Variants in SPEG observed in about 807,000 individuals in gnomAD.
SPEG encodes the protein striated muscle preferentially expressed protein kinase.
SPEG carries 114 observed loss-of-function variants against 300.4 expected under a neutral mutation model. The observed-to-expected ratio is 0.38, with a 90% CI of 0.33 to 0.44. The LOEUF (loss-of-function observed/expected upper bound fraction) is 0.44. Among genes scored for constraint, SPEG ranks in the 20% least tolerant of loss-of-function variants. The pLI is 1.00. For missense variants in SPEG, 4,201 were observed against 4,586.2 expected (o/e 0.92, Z 2.43); for synonymous variants, 1,964 against 2,018.9 (o/e 0.97, Z 0.73).
rs13419255 is a variant in SPEG, at chr2:219,468,427, C to T, written c.3143-151C>T. 3,195 of 825,042 alleles carry T rather than the reference C, an allele frequency of 3.9e-3. 74 individuals are homozygous for T. The African/African-American group carries it at 0.047, about 12-fold the overall frequency. 51.1% of individuals were successfully genotyped at this position (825,042 alleles called of 1,614,324 possible). On this transcript the variant is annotated intron_variant, in intron 10 of 40. Transcript: ENST00000312358. Reference sequence around the variant, plus strand: ...CCCTCTCGAGGTCTAGTCTCTGGATCTGTGCCCACTTCCTCCCCTGAGTAC... The same window carrying T: ...CCCTCTCGAGGTCTAGTCTCTGGATTTGTGCCCACTTCCTCCCCTGAGTAC...
In SPEG at chr2:219,488,480, G is replaced by A; in HGVS notation, c.7859-18G>A. ...GCTGCCTCACTCAGCAGCAACTCCT[G>A]CTCCTCCCTGTCCCCAGACAAGAAG... On this transcript the variant is annotated intron_variant, in intron 32 of 40. Coordinates refer to ENST00000312358, the MANE Select transcript of SPEG (RefSeq NM_005876.5). 6.4e-7 allele frequency: 1 copy of A among 1,552,850 alleles called. No homozygotes were observed. Among genetic ancestry groups the A allele is most frequent in the South Asian group, 1.2e-5 (1 of 81,562 alleles).
Position 219,479,056 on chromosome 2 carries a change from A to T in SPEG, c.5028-88A>T. On this transcript the variant is annotated intron_variant, in intron 22 of 40. Transcript: ENST00000312358. This position sits in a 1 kb window ranked among gnomAD's most constrained non-coding sequence, Gnocchi z 5.5. ...CAAGCATTCTGTAAGGGGAAGGAGA[A>T]CCCCGTGCTGAGCTGGGACCTGCCC... The T allele has an allele frequency of 8.6e-7, 1 of 1,167,950 alleles. No homozygotes were observed. The highest frequency in any genetic ancestry group is 1.3e-6 in the Non-Finnish European group (1 of 788,996). The allele number at this position is 1,167,950 out of a possible 1,614,324, so 72.3% of individuals were successfully genotyped here.
chr2:219,461,933 T>G lies in SPEG; in HGVS notation c.2492T>G (p.Leu831Arg). The G allele has an allele frequency of 6.2e-7, 1 of 1,613,900 alleles. No homozygotes were observed. The highest frequency in any genetic ancestry group is 8.5e-7 in the Non-Finnish European group (1 of 1,179,922). Residue 831 changes from leucine to arginine, a missense_variant, in exon 7 of 41, where the codon CTG (leucine) becomes CGG (arginine). Leu to Arg is a moderately radical substitution (Grantham distance 102, BLOSUM62 -2). Transcript: ENST00000312358. ...SSPITSDEEY[L>R]SPPEEFPEPG... is the part of the protein sequence containing the mutation. ...CCCATCACCTCCGACGAGGAATACC[T>G]GAGCCCCCCAGAGGAGTTCCCAGAG...
chr2:219,472,201 G>T (rs1218856340), intron 14 of SPEG, 26 bp from the exon 15 acceptor site: 1 of 1,608,154 alleles, frequency 6.2e-7, no homozygotes, highest in Admixed American at 1.7e-5. Flanking sequence ...CTTGGACCCA[G>T]CAGACATTCG....
chr2:219,482,927 C>A, intron 29 of SPEG, 75 bp downstream of exon 29: 2 of 1,465,256 alleles, frequency 1.4e-6, no homozygotes, highest in Non-Finnish European at 1.9e-6. Flanking sequence ...CTCCCGTGGG[C>A]CTTCATCTCC....
At position 219,451,942 on chromosome 2, in the gene SPEG, C is replaced by A; in HGVS notation, c.2440+135C>A. 1.1e-6 allele frequency: 1 copy of A among 924,196 alleles called. No individual in the cohort carries two copies. The highest frequency in any genetic ancestry group is 1.5e-6 in the Non-Finnish European group (1 of 648,860). The allele number at this position is 924,196 out of a possible 1,614,324, so 57.2% of individuals were successfully genotyped here. On this transcript the variant is annotated intron_variant, in intron 6 of 40. Transcript: ENST00000312358. The surrounding 1 kb of genome is among the most constrained non-coding windows in gnomAD (Gnocchi z 6.4). The stretch of plus-strand genomic sequence containing the variant: ...CGCCAGCATACTTAGTCCATGCAGT[C>A]CCTTCTGGGTGTCGGCAGCTTTGGT...
rs1193831778 is a variant in SPEG, at chr2:219,448,989, G to T, written c.1831G>T (p.Val611Leu). Residue 611 changes from valine (V) to leucine (L), a missense_variant, in exon 4 of 41, where the codon GTG becomes TTG. This residue lies in a region of SPEG where 1,258 missense variants were observed against 1,293.9 expected (regional missense o/e 0.97). Transcript: ENST00000312358. ...SRAIQECRSP[V>L]PPPAADPPEA... ...AGCCATCCAGGAGTGCAGGAGCCCTGTGCCGCCCCCCGCCGCCGATCCCCC... is the reference window on the plus strand; with the variant it reads ...AGCCATCCAGGAGTGCAGGAGCCCTTTGCCGCCCCCCGCCGCCGATCCCCC... 1.3e-6 allele frequency: 2 copies of T among 1,494,972 alleles called. No individual in the cohort carries two copies. Among genetic ancestry groups the T allele is most frequent in the South Asian group, 1.3e-5 (1 of 77,092 alleles). 92.6% of individuals were successfully genotyped at this position (1,494,972 alleles called of 1,614,324 possible). A position where few individuals can be genotyped will look rare whatever the true frequency, so the allele number is the denominator to read the frequency against.
Position 219,489,458 on chromosome 2 carries a change from C to G in SPEG, c.8440C>G (p.Pro2814Ala). Residue 2814 changes from proline to alanine, a missense_variant, in exon 36 of 41, where the codon CCC becomes GCC. By Grantham distance (27) the Pro-to-Ala change is conservative. Around this residue, in one of 4 missense-constraint regions of SPEG, gnomAD observed 1,578 missense variants for 1,506.0 expected, o/e 1.05. Transcript: ENST00000312358. ...ACCCCTAGCTCCTGCTGCCCCCACACCCCCGTCAGTCACTGTCAGCCCCTC... is the reference window on the plus strand; with the variant it reads ...ACCCCTAGCTCCTGCTGCCCCCACAGCCCCGTCAGTCACTGTCAGCCCCTC... ...APPLAPAAPT[P>A]PSVTVSPSSP... 3 of 1,611,140 alleles carry G rather than the reference C, an allele frequency of 1.9e-6. No homozygotes were observed. The highest frequency in any genetic ancestry group is 2.5e-6 in the Non-Finnish European group (3 of 1,178,588).
Position 219,445,595 on chromosome 2 carries a change from TGGGA to T in SPEG, c.815+437_815+440del. On this transcript the variant is annotated intron_variant, in intron 3 of 40. Coordinates refer to ENST00000312358, the MANE Select transcript of SPEG (RefSeq NM_005876.5). The surrounding 1 kb of genome is among the most constrained non-coding windows in gnomAD (Gnocchi z 6.1). ...TCCTGTTCCCATGTGGGCCTTTTTC[TGGGA>T]GGAACAGAACCTTTCCACACGGCAG... 4.9e-6 allele frequency: 1 copy of T among 202,044 alleles called. No individual in the cohort carries two copies. The highest frequency in any genetic ancestry group is 1.0e-5 in the Non-Finnish European group (1 of 98,616). 12.5% of individuals were successfully genotyped at this position (202,044 alleles called of 1,614,324 possible).
rs1693071066 is a variant in SPEG at position 219,483,560 on chromosome 2, C to T, written c.6097C>T (p.His2033Tyr). The T allele has an allele frequency of 1.4e-6, 2 of 1,446,662 alleles. No individual in the cohort carries two copies. The highest frequency in any genetic ancestry group is 2.7e-5 in the Admixed American group (1 of 36,470). The allele number at this position is 1,446,662 out of a possible 1,614,324, so 89.6% of individuals were successfully genotyped here. The change falls in exon 30 of 41, where the codon CAC becomes TAC. Residue 2033 changes from histidine to tyrosine, a missense_variant. Around this residue, in one of 4 missense-constraint regions of SPEG, gnomAD observed 1,578 missense variants for 1,506.0 expected, o/e 1.05. Transcript: ENST00000312358. The part of the protein sequence containing the change: ...AGPRELGRGL[H>Y]KAASVELPQR... ...GCCGCGGGAGCTGGGCCGGGGCCTGCACAAGGCGGCGTCTGTGGAGCTGCC... is the reference window on the plus strand; with the variant it reads ...GCCGCGGGAGCTGGGCCGGGGCCTGTACAAGGCGGCGTCTGTGGAGCTGCC...
At chr2:219,438,020 C>T (rs989391568) in intron 1 of SPEG, among the ~76,000 whole-genome samples, 16 of 152,032 alleles carry the variant, frequency 1.1e-4, no homozygotes, top group African/African-American at 3.4e-4. Flanking sequence ...CTCCTGAAGC[C>T]GGATATGTTA....
rs981655248 is a variant in SPEG, at chr2:219,459,398, A to C, written c.2441-2484A>C. ...TAGGTGGCACCGGATTCTGGTATGG[A>C]GCCTCAGGAATCCTCGATCAGCTTC... On this transcript the variant is annotated intron_variant, in intron 6 of 40. Transcript: ENST00000312358. This position sits in a 1 kb window ranked among gnomAD's most constrained non-coding sequence, Gnocchi z 4.9. 1.3e-5 allele frequency among the ~76,000 whole-genome samples: 2 copies of C among 152,120 alleles called. No individual in the cohort carries two copies. Among genetic ancestry groups the C allele is most frequent in the African/African-American group, 4.8e-5 (2 of 41,406 alleles).
At position 219,458,084 on chromosome 2, in the gene SPEG, C is replaced by T. The variant is rs1234423646; in HGVS notation, c.2441-3798C>T. 6.6e-6 allele frequency among the ~76,000 whole-genome samples: 1 copy of T among 152,086 alleles called. No homozygotes were observed. The highest frequency in any genetic ancestry group is 1.5e-5 in the Non-Finnish European group (1 of 68,012). On this transcript the variant is annotated intron_variant, in intron 6 of 40. Transcript: ENST00000312358. The surrounding 1 kb of genome is among the most constrained non-coding windows in gnomAD (Gnocchi z 4.2). ...ACCCAGAAGGCTCCTGAGGACATGA[C>T]CATGTCTTTGCCACTCCTTAGCACT...
chr2:219,462,235 A>G, intron 7 of SPEG, 63 bp from the exon 8 acceptor site: 1 of 1,412,330 alleles, frequency 7.1e-7, no homozygotes, highest in African/African-American at 1.4e-5. Context: ...CTCAGATTCC[A>G]CAGCCCCCAG....
At position 219,445,204 on chromosome 2, in the gene SPEG, C is replaced by T; in HGVS notation, c.815+43C>T. 6.6e-7 allele frequency: 1 copy of T among 1,517,510 alleles called. No homozygotes were observed. Among genetic ancestry groups the T allele is most frequent in the South Asian group, 1.2e-5 (1 of 83,350 alleles). The allele number at this position is 1,517,510 out of a possible 1,614,324, so 94.0% of individuals were successfully genotyped here. ...CTGGGCCTGAACTGCCCCATCTCAC[C>T]ACGCTGTCCTGCGCTGCCCTCACTG... On this transcript the variant is annotated intron_variant, in intron 3 of 40. Coordinates refer to ENST00000312358, the MANE Select transcript of SPEG (RefSeq NM_005876.5). The surrounding 1 kb of genome is among the most constrained non-coding windows in gnomAD (Gnocchi z 6.1).
Position 219,484,766 on chromosome 2 carries a change from G to T in SPEG, c.7303G>T (p.Asp2435Tyr), listed in dbSNP as rs947684268. 7.5e-6 allele frequency: 11 copies of T among 1,465,332 alleles called. No individual in the cohort carries two copies. The highest frequency in any genetic ancestry group is 9.8e-6 in the Non-Finnish European group (11 of 1,120,016). The allele number at this position is 1,465,332 out of a possible 1,614,324, so 90.8% of individuals were successfully genotyped here. A position where few individuals can be genotyped will look rare whatever the true frequency, so the allele number is the denominator to read the frequency against. Residue 2435 changes from aspartate (D) to tyrosine (Y), a missense_variant, in exon 30 of 41, where the codon GAC becomes TAC. This residue lies in a region of SPEG where 1,578 missense variants were observed against 1,506.0 expected (regional missense o/e 1.05). Coordinates refer to ENST00000312358, the MANE Select transcript of SPEG (RefSeq NM_005876.5). The part of the protein sequence containing the change: ...RHPAWEARGG[D>Y]GESSEGGSSA... ...CCCGGCCTGGGAGGCCCGCGGCGGG[G>T]ACGGAGAGAGCTCGGAGGGCGGGAG...
chr2:219,467,463 C>G, intron 10 of SPEG, 29 bp downstream of exon 10: 1 of 1,577,314 alleles, frequency 6.3e-7, no homozygotes, highest in Non-Finnish European at 8.6e-7. Context: ...ATTGGGCTGC[C>G]GTGGGTGCCC....
Position 219,451,142 on chromosome 2 carries a change from C to T in SPEG, c.2120C>T (p.Ser707Leu), listed in dbSNP as rs552276513. ...ARPTSPELES[S>L]DDSYVSAGEE... ...TTATTCCTGTGTCCGGCAGAGTCTTCGGATGACTCCTACGTGTCCGCTGGA... is the reference window on the plus strand; with the variant it reads ...TTATTCCTGTGTCCGGCAGAGTCTTTGGATGACTCCTACGTGTCCGCTGGA... The change falls in exon 5 of 41, where the codon TCG (serine) becomes TTG (leucine). Residue 707 changes from serine to leucine, a missense_variant. Ser to Leu is a moderately radical substitution (Grantham distance 145, BLOSUM62 -2). This residue lies in a region of SPEG where 1,258 missense variants were observed against 1,293.9 expected (regional missense o/e 0.97). Transcript: ENST00000312358. This position sits in a 1 kb window ranked among gnomAD's most constrained non-coding sequence, Gnocchi z 6.4. 3.1e-6 allele frequency: 5 copies of T among 1,611,348 alleles called. No homozygotes were observed. Among genetic ancestry groups the T allele is most frequent in the Non-Finnish European group, 4.2e-6 (5 of 1,178,808 alleles).
At position 219,448,838 on chromosome 2, in the gene SPEG, C is replaced by T; in HGVS notation, c.1680C>T (p.Ser560=). 1 of 1,400,496 alleles carries T rather than the reference C, an allele frequency of 7.1e-7. No homozygotes were observed. Among genetic ancestry groups the T allele is most frequent in the African/African-American group, 1.5e-5 (1 of 66,040 alleles). 86.8% of individuals were successfully genotyped at this position (1,400,496 alleles called of 1,614,324 possible). Residue 560 remains serine (S), a synonymous_variant, in exon 4 of 41, where the codon AGC becomes AGT. Coordinates refer to ENST00000312358, the MANE Select transcript of SPEG (RefSeq NM_005876.5). ...CCGCCCAGCCGCCCTCTCCGAGCAG[C>T]GCGGAGAAGCCGGGGGACGAGCCTG... ...PAAAQPPSPS[S]AEKPGDEPGR... is the part of the protein sequence containing the mutation.
Sources: allele counts gnomAD v4.1 joint callset (sites outside exome capture counted in the v4.1 genomes callset), GRCh38; gene constraint gnomAD v4.1.1; regional missense constraint gnomAD v4.1.1; non-coding constraint Gnocchi (gnomAD v3.1); transcripts MANE v1.5; gene names NCBI Gene and HGNC (gene_info 2026-07-23, HGNC 2026-07-21).